Variants in DOCK7 observed in about 807,000 individuals in gnomAD.
DOCK7 encodes the protein dedicator of cytokinesis 7, also known as dedicator of cytokinesis protein 7.
Under a neutral mutation model 271.0 loss-of-function variants are expected in DOCK7, and 138 were observed. The ratio of observed to expected loss-of-function variants is 0.51; its 90% CI spans 0.44 to 0.59. The LOEUF (loss-of-function observed/expected upper bound fraction) is 0.59. Ranked by LOEUF, DOCK7 falls within the 20% of genes least tolerant of loss-of-function variation. The pLI, the probability that DOCK7 is intolerant of heterozygous loss-of-function variation, is 0.00. For missense variants in DOCK7, 2,066 were observed against 2,592.4 expected (o/e 0.80, Z 4.41); for synonymous variants, 823 against 876.1 (o/e 0.94, Z 1.07).
Position 62,475,299 on chromosome 1 carries a change from T to A in DOCK7, c.6014A>T (p.Gln2005Leu). 6.2e-7 allele frequency: 1 copy of A among 1,614,104 alleles called. No homozygotes were observed. The highest frequency in any genetic ancestry group is 8.5e-7 in the Non-Finnish European group (1 of 1,179,960). The change falls in exon 47 of 50, where the codon CAG becomes CTG. Residue 2005 changes from glutamine (Q) to leucine (L), a missense_variant. Physicochemically the swap from Gln to Leu is moderately radical, Grantham distance 113. This residue lies in a region of DOCK7 where 652 missense variants were observed against 922.1 expected (regional missense o/e 0.71). Coordinates refer to ENST00000635253, the MANE Select transcript of DOCK7 (RefSeq NM_001367561.1). The part of the protein sequence containing the change: ...VAIEDMQKKT[Q>L]ELAFATHQDP... ...CTGATGTGTTGCAAATGCCAACTCC[T>A]GTGTCTTTTTCTGCATGTCCTCAAT...
At chr1:62,622,042 A>T (rs917655385) in intron 12 of DOCK7, among the ~76,000 whole-genome samples, 1 of 152,218 alleles carries the variant, frequency 6.6e-6, no homozygotes, top group Non-Finnish European at 1.5e-5. Flanking sequence ...TTTGCCAATA[A>T]GCAAACATGA....
chr1:62,655,192 T>C (rs1657853909), intron 2 of DOCK7, among the ~76,000 whole-genome samples: 1 of 152,164 alleles, frequency 6.6e-6, no homozygotes, highest in African/African-American at 2.4e-5. Flanking sequence ...AGATACTTTT[T>C]AATAAAATAC....
At chr1:62,618,374 T>C (rs1360982141) in intron 14 of DOCK7, among the ~76,000 whole-genome samples, 2 of 152,088 alleles carry the variant, frequency 1.3e-5, no homozygotes, top group Non-Finnish European at 2.9e-5. Flanking sequence ...AGGAATCAAA[T>C]CCCATCACCA....
chr1:62,569,785 C>A (rs1354304317), intron 18 of DOCK7, among the ~76,000 whole-genome samples: 2 of 145,432 alleles, frequency 1.4e-5, no homozygotes, highest in East Asian at 4.3e-4. Flanking sequence ...ACGACCTCAG[C>A]TCACTGCAAC....
rs77846416 is a variant in DOCK7 at position 62,685,395 on chromosome 1, A to G, written c.38+2832T>C. 1.7e-3 allele frequency among the ~76,000 whole-genome samples: 266 copies of G among 152,344 alleles called. 2 individuals carry two copies. The highest frequency in any genetic ancestry group is 5.8e-3 in the African/African-American group (241 of 41,580). On this transcript the variant is annotated intron_variant, in intron 1 of 49. Transcript: ENST00000635253. ...AATTGATTCAGAAGTATTAAGTATT[A>G]TTCAATCATATTTGATAACAAGGAA...
At chr1:62,510,025 A>T (rs1262772770) in intron 34 of DOCK7, among the ~76,000 whole-genome samples, 1 of 152,182 alleles carries the variant, frequency 6.6e-6, no homozygotes, top group African/African-American at 2.4e-5. Flanking sequence ...GAAATTCTCA[A>T]GAAAAAAATT....
intron 4 of DOCK7, among the ~76,000 whole-genome samples, chr1:62,651,919 C>A (rs1176963732): frequency 6.6e-6 from 1 of 152,096 alleles, no homozygotes; most frequent in Non-Finnish European, 1.5e-5. Flanking sequence ...TCTGCTTACC[C>A]CAGCCCATAT....
intron 22 of DOCK7, among the ~76,000 whole-genome samples, chr1:62,546,978 T>C (rs1645732449): frequency 6.6e-6 from 1 of 152,140 alleles, no homozygotes; most frequent in Non-Finnish European, 1.5e-5. Flanking sequence ...GAGCATTTGA[T>C]TTTTGCAAAA....
At chr1:62,490,546 G>A (rs1048006413) in intron 41 of DOCK7, among the ~76,000 whole-genome samples, 1 of 152,088 alleles carries the variant, frequency 6.6e-6, no homozygotes, top group East Asian at 1.9e-4. Flanking sequence ...CAGTAAGTTC[G>A]TAGGAGTATA....
chr1:62,499,937 G>GAAA (rs11409086), intron 37 of DOCK7, among the ~76,000 whole-genome samples: 1 of 148,064 alleles, frequency 6.8e-6, no homozygotes, highest in Non-Finnish European at 1.5e-5. Context: ...AAACTGTTCT[G>GAAA]AAAAAAAAAA....
At chr1:62,535,702 T>C (rs981800051) in intron 28 of DOCK7, 70 bp from the exon 29 acceptor site, 1 of 1,428,640 alleles carries the variant, frequency 7.0e-7, no homozygotes, top group Non-Finnish European at 9.4e-7. Flanking sequence ...CAGAGCAATA[T>C]AAGAAATGAA....
At chr1:62,586,233 C>G (rs531329747) in intron 15 of DOCK7, among the ~76,000 whole-genome samples, 11 of 152,246 alleles carry the variant, frequency 7.2e-5, no homozygotes, top group Admixed American at 4.6e-4. Flanking sequence ...TTGAAAATCA[C>G]TATTTTAGAT....
chr1:62,504,953 G>A (rs970698056), intron 36 of DOCK7, among the ~76,000 whole-genome samples, 171 bp from the exon 37 acceptor site: 9 of 152,296 alleles, frequency 5.9e-5, no homozygotes, highest in East Asian at 5.8e-4. Context: ...AACTGGGTTC[G>A]AATGCTCATT....
intron 2 of DOCK7, among the ~76,000 whole-genome samples, chr1:62,659,586 T>C (rs998167035): frequency 3.9e-5 from 6 of 152,158 alleles, no homozygotes; most frequent in Admixed American, 3.9e-4. Context: ...GTATTATAAA[T>C]GTAAATGTAA....
intron 21 of DOCK7, among the ~76,000 whole-genome samples, chr1:62,553,346 ATATATATATTTTTTTTTTTTTT>A (rs1349805971): frequency 0.029 from 710 of 24,270 alleles, 4 homozygotes; most frequent in Middle Eastern, 0.042. Context: ...ATATATATAT[ATATATATATTTTTTTTTTTTTT>A]TTTTTTTTTT....
chr1:62,598,284 A>G (rs997160855), intron 14 of DOCK7, among the ~76,000 whole-genome samples: 2 of 152,018 alleles, frequency 1.3e-5, no homozygotes, highest in African/African-American at 4.8e-5. Context: ...TGCATTTTAT[A>G]TGAAAATTAC....
Position 62,688,300 on chromosome 1 carries a change from C to T in DOCK7, c.-36G>A. The T allele has an allele frequency of 2.5e-6, 3 of 1,221,690 alleles. No individual in the cohort carries two copies. The highest frequency in any genetic ancestry group is 1.6e-5 in the African/African-American group (1 of 62,972). The allele number at this position is 1,221,690 out of a possible 1,614,324, so 75.7% of individuals were successfully genotyped here. On this transcript the variant is annotated 5_prime_UTR_variant, in exon 1 of 50. Coordinates refer to ENST00000635253, the MANE Select transcript of DOCK7 (RefSeq NM_001367561.1). ...GCGACGGCGACGGCGGCGGCGGCTG[C>T]GGCGGGCCGGGTGCGGACCGGCGGG...
At chr1:62,506,991 T>C (rs566561002) in intron 35 of DOCK7, among the ~76,000 whole-genome samples, 2 of 107,618 alleles carry the variant, frequency 1.9e-5, no homozygotes, top group Non-Finnish European at 4.3e-5. Flanking sequence ...TAAAATAGAG[T>C]AGAGTCAGGG....
intron 2 of DOCK7, among the ~76,000 whole-genome samples, chr1:62,662,557 T>C (rs1394323593): frequency 6.6e-6 from 1 of 151,962 alleles, no homozygotes; most frequent in Non-Finnish European, 1.5e-5. Flanking sequence ...GGTCAGGAGT[T>C]CAAGACCAGC....
Sources: allele counts gnomAD v4.1 joint callset (sites outside exome capture counted in the v4.1 genomes callset), GRCh38; gene constraint gnomAD v4.1.1; regional missense constraint gnomAD v4.1.1; transcripts MANE v1.5; gene names NCBI Gene and HGNC (gene_info 2026-07-23, HGNC 2026-07-21).